FNDC3B: variants seen among roughly 807,000 people sequenced by gnomAD.
FNDC3B encodes the protein fibronectin type III domain containing 3B.
In FNDC3B, 12 loss-of-function variants were observed where a neutral mutation model predicts 151.5. The ratio of observed to expected loss-of-function variants is 0.08; its 90% CI spans 0.05 to 0.13. The LOEUF (loss-of-function observed/expected upper bound fraction) is 0.13. FNDC3B is among the 10% of genes least tolerant of loss of function. The pLI is 1.00. For synonymous variants in FNDC3B, 528 were observed against 549.0 expected, an observed-to-expected ratio of 0.96 and a Z score of 0.54; for missense variants, 1,214 against 1,505.3, an observed-to-expected ratio of 0.81 and a Z score of 3.20.
At chr3:172,360,582 T>C (rs1734310113) in intron 22 of FNDC3B, among the ~76,000 whole-genome samples, 1 of 152,244 alleles carries the variant, frequency 6.6e-6, no homozygotes, top group Non-Finnish European at 1.5e-5. Context: ...TTTAGATCTG[T>C]GGTCCCTTTT....
At position 172,189,799 on chromosome 3, in the gene FNDC3B, TAAAAAAAAAAAAAAAAA is replaced by T. The variant is rs60894339; in HGVS notation, c.188-37055_188-37039del. Among the ~76,000 whole-genome samples the T allele has an allele frequency of 5.3e-4, 45 of 84,316 alleles. No individual in the cohort carries two copies. In the East Asian group the frequency reaches 0.011, roughly 21 times the overall value. 55.3% of individuals were successfully genotyped at this position (84,316 alleles called of 152,430 possible). On this transcript the variant is annotated intron_variant, in intron 3 of 25. Coordinates refer to ENST00000415807, the MANE Select transcript of FNDC3B (RefSeq NM_022763.4). ...CTGGGTGACAGAGTGAGACCTTGTCTAAAAAAAAAAAAAAAAAAAAAAAAAAAAAAAAATCATGTCAT... is the reference window on the plus strand; with the variant it reads ...CTGGGTGACAGAGTGAGACCTTGTCTAAAAAAAAAAAAAAAATCATGTCAT...
chr3:172,323,028 T>TTTTG (rs56787564), intron 11 of FNDC3B, among the ~76,000 whole-genome samples: 206 of 151,730 alleles, frequency 1.4e-3, no homozygotes, highest in Non-Finnish European at 2.5e-3. Flanking sequence ...GTGTTTTAGT[T>TTTTG]TTTGTTTGTT....
At chr3:172,168,321 C>G (rs1723108204) in intron 3 of FNDC3B, among the ~76,000 whole-genome samples, 1 of 152,214 alleles carries the variant, frequency 6.6e-6, no homozygotes, top group Admixed American at 6.5e-5. Flanking sequence ...TAAAAAGACT[C>G]TACCAGATTA....
intron 1 of FNDC3B, among the ~76,000 whole-genome samples, chr3:172,044,701 A>G (rs1716279259): frequency 6.6e-6 from 1 of 152,226 alleles, no homozygotes; most frequent in African/African-American, 2.4e-5. Flanking sequence ...TTTTCAGGAT[A>G]AGAACCATGT....
chr3:172,148,714 C>T (rs1722057372), intron 3 of FNDC3B: 1 of 152,154 alleles, frequency 6.6e-6, no homozygotes, highest in African/African-American at 2.4e-5. Flanking sequence ...TATTGATTGC[C>T]AGACTGAGTA....
chr3:172,397,014 A>G, intron 25 of FNDC3B, 150 bp from the exon 26 acceptor site: 2 of 621,752 alleles, frequency 3.2e-6, no homozygotes, highest in Non-Finnish European at 5.5e-6. Flanking sequence ...TGGAATACAG[A>G]TTGAGAGAAG....
At chr3:172,173,853 C>T (rs1348497032) in intron 3 of FNDC3B, among the ~76,000 whole-genome samples, 6 of 151,828 alleles carry the variant, frequency 4.0e-5, no homozygotes, top group Non-Finnish European at 8.8e-5. Flanking sequence ...GGAAGCCTCC[C>T]GATGTCCTAG....
chr3:172,129,960 C>T (rs1322628131), intron 2 of FNDC3B, among the ~76,000 whole-genome samples: 3 of 146,458 alleles, frequency 2.0e-5, no homozygotes, highest in African/African-American at 7.6e-5. Context: ...GGACTTGTAG[C>T]AGTTATTATA....
chr3:172,211,068 A>G (rs1725711492), intron 3 of FNDC3B, among the ~76,000 whole-genome samples: 3 of 152,244 alleles, frequency 2.0e-5, no homozygotes, highest in African/African-American at 7.2e-5. Context: ...ATATGAAGAG[A>G]ACTTTATGAT....
intron 1 of FNDC3B, among the ~76,000 whole-genome samples, chr3:172,097,743 C>G (rs2108518882): frequency 6.6e-6 from 1 of 152,246 alleles, no homozygotes; most frequent in Non-Finnish European, 1.5e-5. Flanking sequence ...TGAACACTTC[C>G]TCATAGTCTG....
chr3:172,078,300 T>C (rs1718119992), intron 1 of FNDC3B, among the ~76,000 whole-genome samples: 1 of 152,258 alleles, frequency 6.6e-6, no homozygotes, highest in South Asian at 2.1e-4. Context: ...TTTTAGACTC[T>C]TTTTCTGTGA....
chr3:172,227,399 GT>G (rs1162544898), intron 4 of FNDC3B: 1 of 153,598 alleles, frequency 6.5e-6, no homozygotes, highest in Non-Finnish European at 1.4e-5. Context: ...GCTAGGCTTG[GT>G]GAGTTATTGA....
chr3:172,256,993 C>A (rs1728378427), intron 6 of FNDC3B, among the ~76,000 whole-genome samples: 2 of 151,598 alleles, frequency 1.3e-5, no homozygotes, highest in South Asian at 4.2e-4. Context: ...TGCGGTGGCG[C>A]AATTTCGGCT....
rs1230732524 is a variant in FNDC3B at position 172,398,434 on chromosome 3, G to T, written c.*959G>T. ...TCTTATGTGTCAGCTCATTATTTTT[G>T]AAACATTTGCCTTTAGGCTGTTCTT... is the stretch of plus-strand genomic sequence containing the variant. On this transcript the variant is annotated 3_prime_UTR_variant, in exon 26 of 26. Coordinates refer to ENST00000415807, the MANE Select transcript of FNDC3B (RefSeq NM_022763.4). 1 of 152,520 alleles carries T rather than the reference G, an allele frequency of 6.6e-6. No homozygotes were observed. Among genetic ancestry groups the T allele is most frequent in the Non-Finnish European group, 1.5e-5 (1 of 68,022 alleles). 9.4% of individuals were successfully genotyped at this position (152,520 alleles called of 1,614,324 possible).
At position 172,226,973 on chromosome 3, in the gene FNDC3B, C is replaced by T. The variant is rs1180509253; in HGVS notation, c.264+26C>T. 4.2e-6 allele frequency: 6 copies of T among 1,418,672 alleles called. No individual in the cohort carries two copies. In the Admixed American group the frequency reaches 8.4e-5, roughly 20 times the overall value. The allele number at this position is 1,418,672 out of a possible 1,614,324, so 87.9% of individuals were successfully genotyped here. ...GTAATCCATTTGATGGACTTCTCTACTCACTATGGACACTGTCGTTGCTCC... is the reference window on the plus strand; with the variant it reads ...GTAATCCATTTGATGGACTTCTCTATTCACTATGGACACTGTCGTTGCTCC... On this transcript the variant is annotated intron_variant, in intron 4 of 25. Coordinates refer to ENST00000415807, the MANE Select transcript of FNDC3B (RefSeq NM_022763.4).
intron 3 of FNDC3B, among the ~76,000 whole-genome samples, chr3:172,174,764 C>T (rs569744512): frequency 5.9e-5 from 9 of 152,028 alleles, no homozygotes; most frequent in African/African-American, 1.9e-4. Flanking sequence ...CAAATGGTCT[C>T]GGTTTGGTTG....
chr3:172,050,302 C>A (rs777757111), intron 1 of FNDC3B, among the ~76,000 whole-genome samples: 17 of 152,018 alleles, frequency 1.1e-4, no homozygotes, highest in Non-Finnish European at 1.2e-4. Flanking sequence ...AAAATGTTTA[C>A]CATTCATTCC....
intron 4 of FNDC3B, among the ~76,000 whole-genome samples, chr3:172,236,599 T>G (rs1727177397): frequency 6.6e-6 from 1 of 152,194 alleles, no homozygotes; most frequent in African/African-American, 2.4e-5. Flanking sequence ...GGACCCCTAC[T>G]TTGAGATGAG....
chr3:172,368,157 C>CT (rs1382734823), intron 23 of FNDC3B, among the ~76,000 whole-genome samples: 1 of 151,914 alleles, frequency 6.6e-6, no homozygotes, highest in Non-Finnish European at 1.5e-5. Flanking sequence ...TAGGTCCCAG[C>CT]TACTCCGGAG....
Sources: allele counts gnomAD v4.1 joint callset (sites outside exome capture counted in the v4.1 genomes callset), GRCh38; gene constraint gnomAD v4.1.1; transcripts MANE v1.5; gene names NCBI Gene and HGNC (gene_info 2026-07-23, HGNC 2026-07-21).